The following ANK2 variants were observed in gnomAD, a reference collection of about 807,000 sequenced individuals.
ANK2 encodes the protein ankyrin 2.
Under a neutral mutation model 360.5 loss-of-function variants are expected in ANK2, and 83 were observed. That is an observed-to-expected ratio of 0.23 (90% CI 0.19 to 0.28). ANK2 has a LOEUF of 0.28. Among genes scored for constraint, ANK2 ranks in the 10% least tolerant of loss-of-function variants. The pLI is 1.00. For synonymous variants in ANK2, 1,740 were observed against 1,759.5 expected, an observed-to-expected ratio of 0.99 and a Z score of 0.28; for missense variants, 4,201 against 4,795.7, an observed-to-expected ratio of 0.88 and a Z score of 3.66.
intron 2 of ANK2, among the ~76,000 whole-genome samples, chr4:112,950,630 C>T (rs184903794): frequency 0.069 from 9,468 of 137,312 alleles, 407 homozygotes; most frequent in African/African-American, 0.12. Flanking sequence ...GGTGACAGAG[C>T]GAGACTCTGT....
At chr4:113,167,747 A>T (rs1031112041) in intron 1 of ANK2, among the ~76,000 whole-genome samples, 2 of 152,236 alleles carry the variant, frequency 1.3e-5, no homozygotes, top group African/African-American at 4.8e-5. Context: ...TTAGAACATT[A>T]TCAGCAACCA....
the ANK2 span, among the ~76,000 whole-genome samples, chr4:112,721,142 G>A: frequency 3.3e-5 from 5 of 152,166 alleles, no homozygotes; most frequent in Admixed American, 2.6e-4. Context: ...GCTGAAGAAG[G>A]GGAGGGACAG....
intron 2 of ANK2, among the ~76,000 whole-genome samples, chr4:113,184,480 A>G (rs1370970193): frequency 6.6e-6 from 1 of 152,142 alleles, no homozygotes; most frequent in Non-Finnish European, 1.5e-5. Flanking sequence ...TGTTGGAGAC[A>G]AAGAGAGGAA....
intron 2 of ANK2, among the ~76,000 whole-genome samples, chr4:112,964,943 C>G (rs1199477703): frequency 6.6e-6 from 1 of 152,130 alleles, no homozygotes; most frequent in Non-Finnish European, 1.5e-5. Flanking sequence ...CTATTGTGAA[C>G]AGTACCGTAA....
At chr4:113,041,053 C>G (rs1044906006) in intron 2 of ANK2, among the ~76,000 whole-genome samples, 1 of 151,990 alleles carries the variant, frequency 6.6e-6, no homozygotes, top group Non-Finnish European at 1.5e-5. Flanking sequence ...TCTGTCCACC[C>G]CTCATCATCA....
At chr4:113,145,516 G>C in intron 1 of ANK2, 1 of 860,192 alleles carries the variant, frequency 1.2e-6, no homozygotes, top group African/African-American at 1.8e-5. Context: ...CAGGCTGCTT[G>C]CATGGTGAAA....
In ANK2 at chr4:113,355,705, A is replaced by G; in HGVS notation, c.7087A>G (p.Thr2363Ala). 1 of 1,614,118 alleles carries G rather than the reference A, an allele frequency of 6.2e-7. No individual in the cohort carries two copies. Among genetic ancestry groups the G allele is most frequent in the Non-Finnish European group, 8.5e-7 (1 of 1,179,980 alleles). The change falls in exon 38 of 46, where the codon ACA becomes GCA. Residue 2363 changes from threonine to alanine, a missense_variant. This residue lies in a region of ANK2 where 2,642 missense variants were observed against 2,714.5 expected (regional missense o/e 0.97). Coordinates refer to ENST00000357077, the MANE Select transcript of ANK2 (RefSeq NM_001148.6). ...TACCTTTGGTAGTTCAGCCCACAAGACACAAACTGATAGTGAGGTTCAAGA... is the reference window on the plus strand; with the variant it reads ...TACCTTTGGTAGTTCAGCCCACAAGGCACAAACTGATAGTGAGGTTCAAGA... ...QRTFGSSAHK[T>A]QTDSEVQEST...
At chr4:112,834,806 T>A (rs1181858749) in intron 1 of ANK2, among the ~76,000 whole-genome samples, 2 of 152,236 alleles carry the variant, frequency 1.3e-5, no homozygotes, top group East Asian at 1.9e-4. Flanking sequence ...TCTTTAATAA[T>A]CAGATATTTT....
At chr4:112,794,071 C>G in the ANK2 span, among the ~76,000 whole-genome samples, 43 of 152,286 alleles carry the variant, frequency 2.8e-4, no homozygotes, top group East Asian at 8.3e-3. Context: ...TATAGAGTAA[C>G]TAATTGTTGA....
intron 2 of ANK2, among the ~76,000 whole-genome samples, chr4:113,013,250 T>C (rs909239260): frequency 6.6e-6 from 1 of 152,132 alleles, no homozygotes; most frequent in Non-Finnish European, 1.5e-5. Flanking sequence ...GCAGCCTGTT[T>C]TTCCAGGTGT....
chr4:113,196,136 T>A (rs1401286646), intron 2 of ANK2, among the ~76,000 whole-genome samples: 1 of 152,218 alleles, frequency 6.6e-6, no homozygotes, highest in Non-Finnish European at 1.5e-5. Context: ...ACTGTTGAAA[T>A]GAAGTTGCCA....
chr4:113,373,958 T>A lies in ANK2; in HGVS notation c.11859+509T>A, dbSNP rs79443432. ...TTTTTGTTTTAAGACAGAGTCTCAC[T>A]CTGTCACCCAGGCTGGAGAGCAGTG... On this transcript the variant is annotated intron_variant, in intron 45 of 45. Coordinates refer to ENST00000357077, the MANE Select transcript of ANK2 (RefSeq NM_001148.6). Among the ~76,000 whole-genome samples the A allele has an allele frequency of 2.2e-4, 34 of 152,346 alleles. No individual in the cohort carries two copies. The East Asian group carries it at 5.8e-3, about 26-fold the overall frequency.
chr4:113,161,695 CGTGTGTGTGTGTGTGT>C (rs56162406), intron 1 of ANK2, among the ~76,000 whole-genome samples: 38 of 144,824 alleles, frequency 2.6e-4, no homozygotes, highest in African/African-American at 7.9e-4. Context: ...GTTTTAGTCT[CGTGTGTGTGTGTGTGT>C]GTGTGTGTGT....
intron 2 of ANK2, among the ~76,000 whole-genome samples, chr4:112,989,032 G>A (rs1341102528): frequency 6.6e-6 from 1 of 152,172 alleles, no homozygotes; most frequent in Admixed American, 6.5e-5. Flanking sequence ...ATATCTCTAA[G>A]TTGTGTTCTT....
At position 113,355,156 on chromosome 4, in the gene ANK2, C is replaced by T; in HGVS notation, c.6538C>T (p.Leu2180Phe). ...TAGTCCTTTCAACACAACATTTCCACTCGACTACATGAAAGATGAGTTCCT... is the reference window on the plus strand; with the variant it reads ...TAGTCCTTTCAACACAACATTTCCATTCGACTACATGAAAGATGAGTTCCT... ...LTSPFNTTFP[L>F]DYMKDEFLPA... Residue 2180 changes from leucine to phenylalanine, a missense_variant, in exon 38 of 46, where the codon CTC (leucine) becomes TTC (phenylalanine). Physicochemically the swap from Leu to Phe is conservative, Grantham distance 22. This residue lies in a region of ANK2 where 2,642 missense variants were observed against 2,714.5 expected (regional missense o/e 0.97). Transcript: ENST00000357077. The T allele has an allele frequency of 6.2e-7, 1 of 1,614,148 alleles. No homozygotes were observed. Among genetic ancestry groups the T allele is most frequent in the Middle Eastern group, 1.7e-4 (1 of 6,058 alleles).
At chr4:112,855,768 C>T (rs2066244531) in intron 1 of ANK2, among the ~76,000 whole-genome samples, 1 of 152,144 alleles carries the variant, frequency 6.6e-6, no homozygotes, top group Non-Finnish European at 1.5e-5. Context: ...ATCAGGCAGG[C>T]TCACTCCAGA....
At chr4:113,109,691 A>G (rs77154821) in intron 1 of ANK2, among the ~76,000 whole-genome samples, 2,196 of 152,200 alleles carry the variant, frequency 0.014, 59 homozygotes, top group African/African-American at 0.049. Flanking sequence ...ATTTTCCTTC[A>G]GTTTTGCCTA....
the ANK2 span, among the ~76,000 whole-genome samples, chr4:112,754,148 T>TATATATAA: frequency 1.7e-5 from 2 of 119,716 alleles, no homozygotes; most frequent in African/African-American, 3.1e-5. Context: ...TATATATATA[T>TATATATAA]AAAATTGCAT....
At chr4:113,296,015 A>G (rs1319467252) in intron 22 of ANK2, among the ~76,000 whole-genome samples, 3 of 150,984 alleles carry the variant, frequency 2.0e-5, no homozygotes, top group South Asian at 2.1e-4. Flanking sequence ...CACATAATGT[A>G]TTGTTAATGA....
Sources: allele counts gnomAD v4.1 joint callset (sites outside exome capture counted in the v4.1 genomes callset), GRCh38; gene constraint gnomAD v4.1.1; regional missense constraint gnomAD v4.1.1; transcripts MANE v1.5; gene names NCBI Gene and HGNC (gene_info 2026-07-23, HGNC 2026-07-21).